Variants in DENND4C observed in about 807,000 individuals in gnomAD.
DENND4C encodes the protein DENN domain containing 4C.
Under a neutral mutation model 203.0 loss-of-function variants are expected in DENND4C, and 108 were observed. The observed-to-expected ratio is 0.53, with a 90% CI of 0.46 to 0.62. DENND4C has a LOEUF of 0.62. DENND4C is among the 20% of genes least tolerant of loss of function. The pLI, the probability that DENND4C is intolerant of heterozygous loss-of-function variation, is 0.00. For missense variants in DENND4C, 2,481 were observed against 2,301.2 expected (o/e 1.08, Z -1.60); for synonymous variants, 871 against 792.4 (o/e 1.10, Z -1.67).
intron 1 of DENND4C, among the ~76,000 whole-genome samples, chr9:19,273,969 C>G (rs1022535603): frequency 1.5e-4 from 23 of 151,976 alleles, no homozygotes; most frequent in Admixed American, 3.9e-4. Flanking sequence ...TTCACAGCAG[C>G]TTTATCTGTG....
At chr9:19,250,691 C>G (rs758965223) in intron 1 of DENND4C, among the ~76,000 whole-genome samples, 1 of 152,206 alleles carries the variant, frequency 6.6e-6, no homozygotes, top group Non-Finnish European at 1.5e-5. Context: ...ACAGCCATTT[C>G]AAATGGGAGA....
chr9:19,249,286 C>T (rs1473967905), intron 1 of DENND4C, among the ~76,000 whole-genome samples: 2 of 150,608 alleles, frequency 1.3e-5, no homozygotes, highest in Admixed American at 6.6e-5. Context: ...AAGTCTCGCT[C>T]TTATCCCCCA....
chr9:19,298,293 G>C (rs1022174339), intron 7 of DENND4C, among the ~76,000 whole-genome samples, 171 bp downstream of exon 7: 2 of 152,068 alleles, frequency 1.3e-5, no homozygotes, highest in African/African-American at 4.8e-5. Context: ...CTGGGTTTTG[G>C]ATTTGAGTGT....
At chr9:19,356,259 A>G (rs540389958) in intron 26 of DENND4C, among the ~76,000 whole-genome samples, 2 of 152,322 alleles carry the variant, frequency 1.3e-5, no homozygotes, top group East Asian at 3.9e-4. Context: ...TTTGATATGC[A>G]TATCATTAGA....
chr9:19,231,500 G>A (rs747430084), intron 1 of DENND4C, among the ~76,000 whole-genome samples: 1 of 151,876 alleles, frequency 6.6e-6, no homozygotes, highest in Non-Finnish European at 1.5e-5. Context: ...GCTGACTCCT[G>A]TAAAGAGCTG....
At chr9:19,314,228 G>C (rs2131519014) in intron 10 of DENND4C, among the ~76,000 whole-genome samples, 1 of 152,266 alleles carries the variant, frequency 6.6e-6, no homozygotes, top group Admixed American at 6.5e-5. Context: ...GCTGATGCAG[G>C]CGGATCACGA....
intron 1 of DENND4C, among the ~76,000 whole-genome samples, chr9:19,241,298 A>T (rs1354310227): frequency 6.6e-6 from 1 of 152,212 alleles, no homozygotes; most frequent in Non-Finnish European, 1.5e-5. Flanking sequence ...TCGTAACAAC[A>T]CTTAAATACA....
At chr9:19,371,966 T>C (rs1342740505) in intron 32 of DENND4C, 71 bp from the exon 33 acceptor site, 5 of 1,501,570 alleles carry the variant, frequency 3.3e-6, no homozygotes, top group Non-Finnish European at 4.5e-6. Context: ...TTTGACTCAA[T>C]ACCAATTTGA....
intron 1 of DENND4C, among the ~76,000 whole-genome samples, chr9:19,255,335 T>C (rs1827676512): frequency 6.6e-6 from 1 of 151,866 alleles, no homozygotes; most frequent in South Asian, 2.1e-4. Flanking sequence ...AGCCTGGGAG[T>C]TTGAGGCTGA....
chr9:19,285,285 GT>G (rs1211838054), intron 2 of DENND4C, among the ~76,000 whole-genome samples: 1 of 151,978 alleles, frequency 6.6e-6, no homozygotes, highest in African/African-American at 2.4e-5. Context: ...TATTAGTTGG[GT>G]TTTAACAGCT....
chr9:19,262,888 GA>G (rs1304106464), intron 1 of DENND4C, among the ~76,000 whole-genome samples: 1 of 152,148 alleles, frequency 6.6e-6, no homozygotes, highest in Non-Finnish European at 1.5e-5. Flanking sequence ...TTATAAATAA[GA>G]GTAATTTGAC....
At position 19,316,854 on chromosome 9, in the gene DENND4C, A is replaced by C; in HGVS notation, c.1807+15A>C. On this transcript the variant is annotated intron_variant, in intron 12 of 32. Coordinates refer to ENST00000434457, the MANE Select transcript of DENND4C (RefSeq NM_001330640.2). Reference sequence around the variant, plus strand: ...TGACCGACAGGGTGAGTAGCATTGAAAGTACAATTCCTTTTATTGAGGTGA... The same window carrying C: ...TGACCGACAGGGTGAGTAGCATTGACAGTACAATTCCTTTTATTGAGGTGA... 3.8e-6 allele frequency: 6 copies of C among 1,595,082 alleles called. No homozygotes were observed. The highest frequency in any genetic ancestry group is 5.1e-6 in the Non-Finnish European group (6 of 1,171,380).
At position 19,326,055 on chromosome 9, in the gene DENND4C, G is replaced by T. The variant is rs2256093; in HGVS notation, c.1990-9G>T. On this transcript the variant is annotated splice_polypyrimidine_tract_variant and intron_variant, in intron 14 of 32. Coordinates refer to ENST00000434457, the MANE Select transcript of DENND4C (RefSeq NM_001330640.2). ...TGCAAATTAATTGGGGAAAAATAAT[G>T]ATTTTCAGGTTGATTTTGATTCAGC... 0.15 allele frequency: 238,996 copies of T among 1,604,784 alleles called. 22,900 individuals carry two copies. Among genetic ancestry groups the T allele is most frequent in the African/African-American group, 0.45 (33,602 of 74,168 alleles).
At chr9:19,255,794 C>T (rs1026826037) in intron 1 of DENND4C, among the ~76,000 whole-genome samples, 4 of 152,178 alleles carry the variant, frequency 2.6e-5, no homozygotes, top group East Asian at 1.9e-4. Flanking sequence ...ATGCCATTCT[C>T]GTACTAGTTG....
chr9:19,336,721 A>C lies in DENND4C; in HGVS notation c.2770A>C (p.Thr924Pro), dbSNP rs1381961103. Reference sequence around the variant, plus strand: ...TGTCACAGGTGGAAGTGATGGGGACACGGTGAGCCACGGTAGTGTGGATAG... The same window carrying C: ...TGTCACAGGTGGAAGTGATGGGGACCCGGTGAGCCACGGTAGTGTGGATAG... ...QNVTGGSDGDTVSHGSVDSSN... is the reference protein window; with the variant it reads ...QNVTGGSDGDPVSHGSVDSSN... Residue 924 changes from threonine to proline, a missense_variant, in exon 20 of 33, where the codon ACG becomes CCG. Coordinates refer to ENST00000434457, the MANE Select transcript of DENND4C (RefSeq NM_001330640.2). The C allele has an allele frequency of 2.6e-6, 4 of 1,551,032 alleles. No homozygotes were observed. The African/African-American group carries it at 5.5e-5, about 21-fold the overall frequency.
Position 19,316,919 on chromosome 9 carries a change from A to G in DENND4C, c.1807+80A>G, listed in dbSNP as rs569322861. The G allele has an allele frequency of 5.9e-5, 71 of 1,204,660 alleles. 1 individual carries two copies. The African/African-American group carries it at 9.9e-4, about 17-fold the overall frequency. 74.6% of individuals were successfully genotyped at this position (1,204,660 alleles called of 1,614,324 possible). A position where few individuals can be genotyped will look rare whatever the true frequency, so the allele number is the denominator to read the frequency against. On this transcript the variant is annotated intron_variant, in intron 12 of 32. Transcript: ENST00000434457. ...TTGATGTTGCTGCCAAGAAATACTT[A>G]TTGTATAAATTATTACAAATTCACA... is the stretch of plus-strand genomic sequence containing the variant.
At position 19,346,672 on chromosome 9, in the gene DENND4C, T is replaced by C; in HGVS notation, c.3903T>C (p.Ser1301=). The part of the protein sequence containing the change: ...LKSPLGSKSS[S]MELHREENRE... ...GTCCCCTAGGTAGTAAATCTTCTAG[T>C]ATGGAATTACACAGAGAGGAAAACA... Residue 1301 remains serine (S), a synonymous_variant, in exon 23 of 33, where the codon AGT becomes AGC. Transcript: ENST00000434457. The C allele has an allele frequency of 6.2e-6, 10 of 1,614,152 alleles. No homozygotes were observed. The highest frequency in any genetic ancestry group is 1.3e-5 in the African/African-American group (1 of 75,034).
intron 1 of DENND4C, among the ~76,000 whole-genome samples, chr9:19,240,166 T>C (rs1245863082): frequency 6.6e-6 from 1 of 152,128 alleles, no homozygotes; most frequent in Non-Finnish European, 1.5e-5. Flanking sequence ...CATTGGGCAA[T>C]TTCTTTATTG....
At chr9:19,344,452 C>T (rs903283579) in intron 22 of DENND4C, among the ~76,000 whole-genome samples, 1 of 152,116 alleles carries the variant, frequency 6.6e-6, no homozygotes, top group Non-Finnish European at 1.5e-5. Flanking sequence ...GCCATGATTG[C>T]ACCACTGTAC....
Sources: allele counts gnomAD v4.1 joint callset (sites outside exome capture counted in the v4.1 genomes callset), GRCh38; gene constraint gnomAD v4.1.1; transcripts MANE v1.5; gene names NCBI Gene and HGNC (gene_info 2026-07-23, HGNC 2026-07-21).